HECW1: variants seen among roughly 807,000 people sequenced by gnomAD.
HECW1 encodes E3 ubiquitin-protein ligase HECW1.
HECW1 carries 61 observed loss-of-function variants against 182.3 expected under a neutral mutation model. The observed-to-expected ratio is 0.33, with a 90% CI of 0.27 to 0.41. HECW1 has a LOEUF of 0.41. Among genes scored for constraint, HECW1 ranks in the 10% least tolerant of loss-of-function variants. The probability of loss-of-function intolerance (pLI) is 1.00; values close to 1 mark genes in which losing one functional copy is unlikely to be tolerated. For missense variants in HECW1, 1,739 were observed against 2,108.9 expected (o/e 0.82, Z 3.44); for synonymous variants, 859 against 832.6 (o/e 1.03, Z -0.55).
At chr7:43,257,015 TTAACAGTTAG>T (rs1436314812) in intron 3 of HECW1, among the ~76,000 whole-genome samples, 6 of 152,202 alleles carry the variant, frequency 3.9e-5, no homozygotes, top group African/African-American at 1.4e-4. Flanking sequence ...CGTTCCCAAA[TTAACAGTTAG>T]TGTCACAATG....
chr7:43,291,543 A>C (rs1312784378), intron 3 of HECW1, among the ~76,000 whole-genome samples: 1 of 152,264 alleles, frequency 6.6e-6, no homozygotes, highest in African/African-American at 2.4e-5. Context: ...GCTACATAGG[A>C]TAGGGCTTAA....
chr7:43,127,933 T>A (rs185665043), intron 2 of HECW1, among the ~76,000 whole-genome samples: 8 of 152,176 alleles, frequency 5.3e-5, no homozygotes, highest in Admixed American at 6.5e-5. Flanking sequence ...GACTGGCATG[T>A]AGTAGCATGA....
At chr7:43,315,776 G>A (rs1809164299) in intron 4 of HECW1, among the ~76,000 whole-genome samples, 1 of 152,134 alleles carries the variant, frequency 6.6e-6, no homozygotes, top group South Asian at 2.1e-4. Context: ...TTACAGGCGT[G>A]ATCCACCGCG....
chr7:43,468,941 A>C lies in HECW1; in HGVS notation c.2935A>C (p.Ser979Arg). ...ANYSAYRVFT[S>R]STCLKHMILK... ...TCAGAGTGCCTACCGAGTCTTCACC[A>C]GTAGCACCTGCTTAAAGCACATGAT... Residue 979 changes from serine to arginine, a missense_variant, in exon 16 of 30, where the codon AGT becomes CGT. Around this residue, in one of 5 missense-constraint regions of HECW1, gnomAD observed 971 missense variants for 1,029.1 expected, o/e 0.94. Coordinates refer to ENST00000395891, the MANE Select transcript of HECW1 (RefSeq NM_015052.5). The C allele has an allele frequency of 2.5e-6, 4 of 1,614,204 alleles. No individual in the cohort carries two copies. In the South Asian group the frequency reaches 4.4e-5, roughly 18 times the overall value.
chr7:43,554,204 G>A (rs1468789728), intron 28 of HECW1, among the ~76,000 whole-genome samples: 1 of 152,190 alleles, frequency 6.6e-6, no homozygotes, highest in East Asian at 1.9e-4. Context: ...AGCTAAGACA[G>A]CAAAACAAAG....
At chr7:43,237,940 G>A (rs549806874) in intron 2 of HECW1, among the ~76,000 whole-genome samples, 2 of 152,100 alleles carry the variant, frequency 1.3e-5, no homozygotes, top group Non-Finnish European at 2.9e-5. Flanking sequence ...CGATGGGAGA[G>A]GGCCCTTGGT....
At chr7:43,342,414 TG>T (rs1011359270) in intron 5 of HECW1, among the ~76,000 whole-genome samples, 27 of 151,840 alleles carry the variant, frequency 1.8e-4, no homozygotes, top group Admixed American at 1.6e-3. Context: ...TAGGATAGAC[TG>T]GCAGGACTCA....
intron 5 of HECW1, among the ~76,000 whole-genome samples, chr7:43,344,931 G>A (rs952305798): frequency 1.3e-5 from 2 of 152,068 alleles, no homozygotes; most frequent in African/African-American, 2.4e-5. Flanking sequence ...TTGCTCGAGT[G>A]TTTTAAGTAT....
chr7:43,253,586 G>A (rs752743909), intron 3 of HECW1, among the ~76,000 whole-genome samples: 10 of 152,068 alleles, frequency 6.6e-5, no homozygotes, highest in East Asian at 3.9e-4. Context: ...GTTTTGTTCC[G>A]TGCCTTCAGT....
At chr7:43,270,668 A>G (rs1802296479) in intron 3 of HECW1, among the ~76,000 whole-genome samples, 1 of 152,108 alleles carries the variant, frequency 6.6e-6, no homozygotes, top group Non-Finnish European at 1.5e-5. Context: ...ACCAAAACAA[A>G]CCAAGGTATT....
intron 5 of HECW1, among the ~76,000 whole-genome samples, chr7:43,339,804 T>C (rs1284938199): frequency 1.3e-5 from 2 of 152,144 alleles, no homozygotes; most frequent in Non-Finnish European, 1.5e-5. Flanking sequence ...GGCTATCCCA[T>C]GTTCCTTAGG....
At chr7:43,486,750 A>G (rs2078662172) in intron 17 of HECW1, among the ~76,000 whole-genome samples, 1 of 152,182 alleles carries the variant, frequency 6.6e-6, no homozygotes, top group Admixed American at 6.5e-5. Flanking sequence ...GTGGCACATC[A>G]CTGTATGAAC....
At chr7:43,422,009 A>G (rs2076199827) in intron 8 of HECW1, among the ~76,000 whole-genome samples, 1 of 152,204 alleles carries the variant, frequency 6.6e-6, no homozygotes, top group African/African-American at 2.4e-5. Flanking sequence ...ATCTCCCTAC[A>G]GTATGTTTAA....
chr7:43,523,014 T>C (rs2152940227), intron 24 of HECW1: 1 of 446,702 alleles, frequency 2.2e-6, no homozygotes, highest in Non-Finnish European at 4.5e-6. Context: ...GTTTGTTTGT[T>C]TGTTTTGAGA....
chr7:43,244,939 G>A (rs1174359780), intron 3 of HECW1, among the ~76,000 whole-genome samples: 1 of 152,202 alleles, frequency 6.6e-6, no homozygotes, highest in Admixed American at 6.5e-5. Context: ...GTCAGCGGGC[G>A]GGAAGATGAG....
chr7:43,224,667 A>AGGTT (rs1554316316), intron 2 of HECW1, among the ~76,000 whole-genome samples: 2 of 151,418 alleles, frequency 1.3e-5, no homozygotes, highest in Non-Finnish European at 2.9e-5. Context: ...AGAAAATAAA[A>AGGTT]AGCCGGCCAT....
intron 2 of HECW1, among the ~76,000 whole-genome samples, chr7:43,171,001 A>T (rs1791629258): frequency 6.6e-6 from 1 of 152,214 alleles, no homozygotes; most frequent in Non-Finnish European, 1.5e-5. Flanking sequence ...ACTGTTGTGG[A>T]TCAGTCGCAT....
At chr7:43,465,923 G>A (rs1023718990) in intron 14 of HECW1, among the ~76,000 whole-genome samples, 4 of 145,016 alleles carry the variant, frequency 2.8e-5, no homozygotes, top group Non-Finnish European at 6.0e-5. Flanking sequence ...AGAGAAGAAA[G>A]AAAGAAGAAA....
At chr7:43,378,979 A>G (rs1028050308) in intron 6 of HECW1, among the ~76,000 whole-genome samples, 3 of 152,134 alleles carry the variant, frequency 2.0e-5, no homozygotes, top group African/African-American at 7.2e-5. Flanking sequence ...TGGGGTGGTT[A>G]TTGCTTATGG....
Sources: gnomAD v4.1 joint callset for allele counts (sites outside exome capture counted in the v4.1 genomes callset) on GRCh38, gnomAD v4.1.1 for gene constraint, gnomAD v4.1.1 regional missense constraint, MANE v1.5 for transcripts, NCBI Gene and HGNC (gene_info 2026-07-23, HGNC 2026-07-21) for gene names.